Variants in PLEKHG5 observed in about 807,000 individuals in gnomAD.
PLEKHG5 encodes the protein pleckstrin homology and RhoGEF domain containing G5.
A neutral mutation model predicts 103.8 loss-of-function variants in PLEKHG5; 52 were observed. The observed-to-expected ratio is 0.50, with a 90% CI of 0.40 to 0.63. PLEKHG5 has a LOEUF of 0.63. Among genes scored for constraint, PLEKHG5 ranks in the 30% least tolerant of loss-of-function variants. The pLI, the probability that PLEKHG5 is intolerant of heterozygous loss-of-function variation, is 0.00. For missense variants in PLEKHG5, 1,205 were observed against 1,347.6 expected (o/e 0.89, Z 1.66); for synonymous variants, 592 against 575.5 (o/e 1.03, Z -0.41).
intron 2 of PLEKHG5, 138 bp downstream of exon 2, chr1:6,477,391 A>T (rs1644788851): frequency 2.1e-6 from 2 of 931,248 alleles, no homozygotes; most frequent in African/African-American, 3.3e-5. Flanking sequence ...CATTTGGAAC[A>T]AAAGGAACCG....
chr1:6,489,711 G>A (rs767308074), intron 1 of PLEKHG5, among the ~76,000 whole-genome samples: 4 of 152,170 alleles, frequency 2.6e-5, no homozygotes, highest in Non-Finnish European at 4.4e-5. Flanking sequence ...CAGAAGACCT[G>A]GTCTGGAGCC....
chr1:6,517,064 A>G (rs1180136459), intron 1 of PLEKHG5, among the ~76,000 whole-genome samples: 2 of 133,988 alleles, frequency 1.5e-5, no homozygotes, highest in Non-Finnish European at 3.1e-5. Context: ...CCTGGCCAAC[A>G]TGGTGAAACC....
chr1:6,472,767 T>C, intron 9 of PLEKHG5, 145 bp from the exon 10 acceptor site: 2 of 753,324 alleles, frequency 2.7e-6, no homozygotes, highest in Admixed American at 2.0e-5. Context: ...TGACACCACA[T>C]GAGTAATCAC....
At chr1:6,501,027 T>C (rs988803196), upstream of PLEKHG5, among the ~76,000 whole-genome samples, 1 of 152,194 alleles carries the variant, frequency 6.6e-6, no homozygotes, top group Admixed American at 6.5e-5. The surrounding 1 kb of genome is among the most constrained non-coding windows in gnomAD (Gnocchi z 4.3). Flanking sequence ...TTCGGAAGAA[T>C]TTAAATTGGT....
chr1:6,488,218 G>A (rs1046004299), intron 1 of PLEKHG5, among the ~76,000 whole-genome samples: 1 of 152,170 alleles, frequency 6.6e-6, no homozygotes, highest in East Asian at 1.9e-4. Context: ...AATCCCATTC[G>A]CTCTTCTCAA....
At position 6,519,547 on chromosome 1, in the gene PLEKHG5, C is replaced by T. The variant is rs1556035; in HGVS notation, c.-267G>A. ...TGCGGTGGTGGCACCCTGCCTGGAC[C>T]TCCAGCCACATGCCAATGCCACAGG... On this transcript the variant is annotated 5_prime_UTR_variant, in exon 1 of 22. Transcript: ENST00000377740. 1,345,434 of 1,559,840 alleles carry T rather than the reference C, an allele frequency of 0.86. 585,115 individuals are homozygous for T. Among genetic ancestry groups the T allele is most frequent in the Admixed American group, 0.91 (54,317 of 59,940 alleles).
chr1:6,474,413 A>C, intron 6 of PLEKHG5, 38 bp downstream of exon 6: 1 of 1,612,204 alleles, frequency 6.2e-7, no homozygotes, highest in Non-Finnish European at 8.5e-7. Flanking sequence ...AGGCTCCGCC[A>C]GTCCCAGCGG....
chr1:6,504,719 G>A (rs1381364546), intron 1 of PLEKHG5, among the ~76,000 whole-genome samples: 1 of 152,022 alleles, frequency 6.6e-6, no homozygotes, highest in East Asian at 1.9e-4. Context: ...ACAGGCGCCC[G>A]CCACCACGCC....
At chr1:6,500,693 C>A (rs929404715), upstream of PLEKHG5, among the ~76,000 whole-genome samples, 21 of 150,628 alleles carry the variant, frequency 1.4e-4, no homozygotes, top group African/African-American at 5.1e-4. Flanking sequence ...CCATGAACTA[C>A]CCCCCTTGAG....
At chr1:6,511,771 CCA>C (rs900346373) in intron 1 of PLEKHG5, among the ~76,000 whole-genome samples, 28 of 152,222 alleles carry the variant, frequency 1.8e-4, no homozygotes, top group African/African-American at 6.8e-4. Context: ...TGCAGCCCCC[CCA>C]GAGAGGCTGC....
Position 6,470,867 on chromosome 1 carries a change from T to C in PLEKHG5, c.1410A>G (p.Pro470=), listed in dbSNP as rs200406088. The C allele has an allele frequency of 4.5e-6, 7 of 1,570,354 alleles. No individual in the cohort carries two copies. The African/African-American group carries it at 8.1e-5, about 18-fold the overall frequency. The change falls in exon 14 of 21, where the codon CCA becomes CCG. Residue 470 remains proline (P), a synonymous_variant. Transcript: ENST00000377728. ...CGCTCAGCTTCAGCCTCTGGCACTG[T>C]GGGTGCTTCTCCGCCCACTGCGGTG... ...RAYITWAEKH[P]QCQRLKLSDM...
intron 1 of PLEKHG5, among the ~76,000 whole-genome samples, chr1:6,504,168 CG>C (rs1638233061): frequency 1.3e-5 from 2 of 152,112 alleles, no homozygotes; most frequent in Non-Finnish European, 2.9e-5. Flanking sequence ...AGGAAGCTGC[CG>C]GGTGAAGAAA....
At chr1:6,468,856 G>C (rs948810828) in intron 19 of PLEKHG5, among the ~76,000 whole-genome samples, 186 bp downstream of exon 19, 1 of 152,210 alleles carries the variant, frequency 6.6e-6, no homozygotes, top group African/African-American at 2.4e-5. Context: ...GAATGGATCA[G>C]GGCTGGCAGC....
chr1:6,499,518 C>T (rs1448321596), upstream of PLEKHG5, among the ~76,000 whole-genome samples: 1 of 152,202 alleles, frequency 6.6e-6, no homozygotes, highest in Non-Finnish European at 1.5e-5. Context: ...AAAGCTGCAA[C>T]TTCCTGCATT....
intron 1 of PLEKHG5, among the ~76,000 whole-genome samples, chr1:6,515,282 C>T (rs969474895): frequency 2.6e-5 from 4 of 151,772 alleles, no homozygotes; most frequent in African/African-American, 9.7e-5. Context: ...AATCCCAGCA[C>T]TTTGGGAGGC....
At chr1:6,482,130 C>T (rs947514177) in intron 1 of PLEKHG5, among the ~76,000 whole-genome samples, 7 of 151,996 alleles carry the variant, frequency 4.6e-5, no homozygotes, top group South Asian at 2.1e-4. Context: ...TCCCTGCCTT[C>T]CCTCCCCTCC....
rs763551102 is a variant in PLEKHG5, at chr1:6,474,036, G to A, written c.568C>T (p.Arg190Cys). ...PALERVDAQS[R>C]RESLDILAPG... ...ACCAAGATGTCCAGGCTCTCCCGGC[G>A]GCTCTGGGCGTCCACACGCTCCAGG... The change falls in exon 7 of 21, where the codon CGC (arginine) becomes TGC (cysteine). Residue 190 changes from arginine (R) to cysteine (C), a missense_variant. By Grantham distance (180) the Arg-to-Cys change is radical (BLOSUM62 -3). Coordinates refer to ENST00000377728, the MANE Select transcript of PLEKHG5 (RefSeq NM_020631.6). The A allele has an allele frequency of 2.3e-5, 37 of 1,581,856 alleles. No homozygotes were observed. The highest frequency in any genetic ancestry group is 1.8e-4 in the Middle Eastern group (1 of 5,408).
upstream of PLEKHG5, among the ~76,000 whole-genome samples, chr1:6,494,991 C>A (rs923835878): frequency 6.6e-6 from 1 of 152,240 alleles, no homozygotes; most frequent in African/African-American, 2.4e-5. Flanking sequence ...CAGGCCTCAC[C>A]TCTATGAAGG....
intron 1 of PLEKHG5, chr1:6,485,798 C>G: frequency 1.2e-6 from 1 of 837,036 alleles, no homozygotes; most frequent in South Asian, 5.5e-5. Context: ...CCCGGGACCC[C>G]CACCTTCCCA....
Sources: allele counts gnomAD v4.1 joint callset (sites outside exome capture counted in the v4.1 genomes callset), GRCh38; gene constraint gnomAD v4.1.1; non-coding constraint Gnocchi (gnomAD v3.1); transcripts MANE v1.5; gene names NCBI Gene and HGNC (gene_info 2026-07-23, HGNC 2026-07-21).